The following CTCF variants were observed in gnomAD, a reference collection of about 807,000 sequenced individuals.
The protein encoded by CTCF is transcriptional repressor CTCF.
Under a neutral mutation model 72.3 loss-of-function variants are expected in CTCF, and 7 were observed. The observed-to-expected ratio is 0.10, with a 90% CI of 0.06 to 0.18. The LOEUF (loss-of-function observed/expected upper bound fraction) is 0.18. Among genes scored for constraint, CTCF ranks in the 10% least tolerant of loss-of-function variants. The probability of loss-of-function intolerance (pLI) is 1.00; values close to 1 mark genes in which losing one functional copy is unlikely to be tolerated. For synonymous variants in CTCF, 374 were observed against 315.8 expected (o/e 1.18, Z -1.95); for missense variants, 516 against 949.1 (o/e 0.54, Z 6.00).
intron 2 of CTCF, among the ~76,000 whole-genome samples, chr16:67,577,529 C>T (rs1193020892): frequency 6.6e-6 from 1 of 151,248 alleles, no homozygotes; most frequent in Non-Finnish European, 1.5e-5. Context: ...GCTCCGCCTC[C>T]CGGGTTCATG....
At chr16:67,568,887 G>C (rs1200127959) in intron 1 of CTCF, among the ~76,000 whole-genome samples, 1 of 152,020 alleles carries the variant, frequency 6.6e-6, no homozygotes, top group Non-Finnish European at 1.5e-5. Context: ...GCCCAGGCTG[G>C]AGTGCAGTGG....
Position 67,637,695 on chromosome 16 carries a change from T to A in CTCF, c.2007T>A (p.Ala669=). 1.9e-6 allele frequency: 3 copies of A among 1,612,142 alleles called. No individual in the cohort carries two copies. The East Asian group carries it at 6.7e-5, about 36-fold the overall frequency. ...TGTGCTCTTCTTTGCCAGCAACAGC[T>A]ATCATTCAGGTTGAAGACCAGAATA... is the stretch of plus-strand genomic sequence containing the variant. ...TNQPKQNQPT[A]IIQVEDQNTG... is the part of the protein sequence containing the mutation. The change falls in exon 12 of 12, where the codon GCT becomes GCA. Residue 669 remains alanine, a synonymous_variant. Coordinates refer to ENST00000264010, the MANE Select transcript of CTCF (RefSeq NM_006565.4).
chr16:67,581,887 G>T (rs1225363355), intron 2 of CTCF, among the ~76,000 whole-genome samples: 1 of 152,196 alleles, frequency 6.6e-6, no homozygotes, highest in Non-Finnish European at 1.5e-5. Context: ...GTCCGAAAGT[G>T]CTGGGGTTAC....
chr16:67,607,997 C>T (rs933226534), intron 2 of CTCF, among the ~76,000 whole-genome samples: 5 of 135,058 alleles, frequency 3.7e-5, no homozygotes, highest in South Asian at 2.3e-4. Context: ...CCAGCCTGGG[C>T]GACAGTGCGA....
At chr16:67,628,248 G>T in intron 8 of CTCF, 122 bp from the exon 9 acceptor site, 1 of 784,544 alleles carries the variant, frequency 1.3e-6, no homozygotes. Context: ...ATCTCAACAA[G>T]CCGTGTGGAG....
chr16:67,637,341 G>A (rs953821275), intron 11 of CTCF, among the ~76,000 whole-genome samples: 1 of 152,132 alleles, frequency 6.6e-6, no homozygotes, highest in African/African-American at 2.4e-5. Flanking sequence ...ATACCAGCCT[G>A]GTCAACATGG....
At chr16:67,631,514 G>A (rs891910765) in intron 10 of CTCF, among the ~76,000 whole-genome samples, 1 of 151,722 alleles carries the variant, frequency 6.6e-6, no homozygotes, top group Non-Finnish European at 1.5e-5. Context: ...GGCTCAGGCT[G>A]GTCTCGTAAC....
At chr16:67,565,736 T>C (rs2051334600) in intron 1 of CTCF, among the ~76,000 whole-genome samples, 1 of 151,056 alleles carries the variant, frequency 6.6e-6, no homozygotes, top group Admixed American at 6.6e-5. Flanking sequence ...CCATTCAACC[T>C]ATGTAAGAAT....
intron 1 of CTCF, among the ~76,000 whole-genome samples, chr16:67,565,215 T>A (rs1265675378): frequency 6.6e-6 from 1 of 152,022 alleles, no homozygotes; most frequent in Admixed American, 6.5e-5. Context: ...TTGGCCAGGC[T>A]GGTCTCGAAC....
At chr16:67,609,107 G>GTA (rs1289924000) in intron 2 of CTCF, among the ~76,000 whole-genome samples, 2 of 152,082 alleles carry the variant, frequency 1.3e-5, no homozygotes, top group Non-Finnish European at 2.9e-5. Flanking sequence ...TCAGTCACAT[G>GTA]TATAATCCCA....
intron 8 of CTCF, 97 bp downstream of exon 8, chr16:67,626,812 G>C: frequency 1.1e-6 from 1 of 900,446 alleles, no homozygotes; most frequent in Admixed American, 3.4e-5. Context: ...TTTAAAGATA[G>C]TATTTTCAAA....
At chr16:67,631,168 T>G (rs79754788) in intron 10 of CTCF, among the ~76,000 whole-genome samples, 10,298 of 137,262 alleles carry the variant, frequency 0.075, 667 homozygotes, top group African/African-American at 0.14. Context: ...TTTTTTTGTT[T>G]TTTGTTTTTT....
At chr16:67,624,115 G>GTGTGTA (rs1567614072) in intron 7 of CTCF, among the ~76,000 whole-genome samples, 2 of 128,480 alleles carry the variant, frequency 1.6e-5, no homozygotes, top group East Asian at 2.1e-4. Context: ...GTGTGTGTGT[G>GTGTGTA]TATGTGTGTG....
chr16:67,584,950 T>A (rs1303786886), intron 2 of CTCF, among the ~76,000 whole-genome samples: 3 of 152,220 alleles, frequency 2.0e-5, no homozygotes, highest in African/African-American at 7.2e-5. Flanking sequence ...AAATCTCTTT[T>A]GACAGAAAAA....
At chr16:67,569,763 C>T (rs937135478) in intron 1 of CTCF, among the ~76,000 whole-genome samples, 1 of 149,002 alleles carries the variant, frequency 6.7e-6, no homozygotes, top group African/African-American at 2.5e-5. Flanking sequence ...TCGGCTCATT[C>T]CAACCTCCGG....
chr16:67,588,451 G>T (rs548867592), intron 2 of CTCF, among the ~76,000 whole-genome samples: 1 of 152,148 alleles, frequency 6.6e-6, no homozygotes, highest in East Asian at 1.9e-4. Context: ...GGATCTGGTG[G>T]TCTCTAACAT....
intron 2 of CTCF, among the ~76,000 whole-genome samples, chr16:67,595,502 G>C (rs1399827514): frequency 6.6e-6 from 1 of 152,106 alleles, no homozygotes; most frequent in Non-Finnish European, 1.5e-5. Context: ...TAATTAGAAA[G>C]CTAAGAAGCC....
intron 2 of CTCF, among the ~76,000 whole-genome samples, chr16:67,581,077 C>T (rs1215509837): frequency 7.9e-5 from 12 of 151,816 alleles, no homozygotes; most frequent in African/African-American, 7.3e-5. Context: ...TACAGGCACC[C>T]GCCACCGCAC....
intron 2 of CTCF, among the ~76,000 whole-genome samples, chr16:67,598,057 G>T (rs1202326640): frequency 2.0e-5 from 3 of 151,892 alleles, no homozygotes; most frequent in Admixed American, 1.3e-4. Context: ...ACTCACTATA[G>T]CCTTAACCTC....
Sources: gnomAD v4.1 joint callset for allele counts (sites outside exome capture counted in the v4.1 genomes callset) on GRCh38, gnomAD v4.1.1 for gene constraint, MANE v1.5 for transcripts, NCBI Gene and HGNC (gene_info 2026-07-23, HGNC 2026-07-21) for gene names.